Variants in CNTNAP2 observed in about 807,000 individuals in gnomAD.
The protein encoded by CNTNAP2 is contactin-associated protein-like 2.
In CNTNAP2, 98 loss-of-function variants were observed where a neutral mutation model predicts 155.2. The observed-to-expected ratio is 0.63, with a 90% confidence interval of 0.54 to 0.75. CNTNAP2 has a LOEUF of 0.75. Among genes scored for constraint, CNTNAP2 ranks in the 30% least tolerant of loss-of-function variants. The probability of loss-of-function intolerance (pLI) is 0.00; values close to 1 mark genes in which losing one functional copy is unlikely to be tolerated. For synonymous variants in CNTNAP2, 651 were observed against 631.2 expected (o/e 1.03, Z -0.47); for missense variants, 1,727 against 1,688.1 (o/e 1.02, Z -0.40).
chr7:146,271,425 T>C (rs903461858), intron 1 of CNTNAP2, among the ~76,000 whole-genome samples: 24 of 152,022 alleles, frequency 1.6e-4, no homozygotes, highest in Admixed American at 8.5e-4. Flanking sequence ...TTCTGTAATA[T>C]TTTAATTCTT....
At chr7:147,452,247 T>C (rs901306473) in intron 10 of CNTNAP2, among the ~76,000 whole-genome samples, 2 of 152,220 alleles carry the variant, frequency 1.3e-5, no homozygotes, top group African/African-American at 4.8e-5. Flanking sequence ...TCAAACTTCC[T>C]CTGTCCAAGT....
intron 1 of CNTNAP2, among the ~76,000 whole-genome samples, chr7:146,717,367 G>T (rs56928892): frequency 0.011 from 1,419 of 134,748 alleles, 31 homozygotes; most frequent in African/African-American, 0.04. Flanking sequence ...AAAAAAAAAA[G>T]CCATGTGTGG....
chr7:147,152,200 T>G (rs1165480107), intron 8 of CNTNAP2, among the ~76,000 whole-genome samples: 1 of 152,054 alleles, frequency 6.6e-6, no homozygotes. Flanking sequence ...CTAGTCGTAT[T>G]CAAAAATGTT....
chr7:146,794,340 A>G (rs1022899149), intron 2 of CNTNAP2, among the ~76,000 whole-genome samples: 1 of 152,206 alleles, frequency 6.6e-6, no homozygotes, highest in African/African-American at 2.4e-5. Flanking sequence ...TATATGCATA[A>G]TTTCTATTAT....
At chr7:146,140,124 C>G (rs1389570068) in intron 1 of CNTNAP2, among the ~76,000 whole-genome samples, 1 of 152,056 alleles carries the variant, frequency 6.6e-6, no homozygotes, top group Non-Finnish European at 1.5e-5. Context: ...GACTATGACT[C>G]AATGGATTTT....
At chr7:148,280,863 G>A (rs1311393517) in intron 21 of CNTNAP2, among the ~76,000 whole-genome samples, 1 of 151,648 alleles carries the variant, frequency 6.6e-6, no homozygotes, top group African/African-American at 2.4e-5. Flanking sequence ...AAGTTGCAGT[G>A]AGCAGAGATC....
At chr7:146,630,463 T>A (rs1194907862) in intron 1 of CNTNAP2, among the ~76,000 whole-genome samples, 1 of 152,120 alleles carries the variant, frequency 6.6e-6, no homozygotes, top group East Asian at 1.9e-4. Flanking sequence ...TGTGTCTTTA[T>A]AGTAGAATGA....
intron 1 of CNTNAP2, among the ~76,000 whole-genome samples, chr7:146,723,917 C>G (rs558946623): frequency 2.6e-5 from 4 of 152,252 alleles, no homozygotes; most frequent in Middle Eastern, 3.4e-3. Context: ...GAGGTCCCCG[C>G]TGAATTTAAT....
At chr7:146,636,221 C>T (rs909383963) in intron 1 of CNTNAP2, among the ~76,000 whole-genome samples, 1 of 151,974 alleles carries the variant, frequency 6.6e-6, no homozygotes, top group Non-Finnish European at 1.5e-5. Context: ...TGGGATTGTG[C>T]TTTATCTTGA....
intron 1 of CNTNAP2, among the ~76,000 whole-genome samples, chr7:146,720,855 C>T (rs1801274766): frequency 7.2e-6 from 1 of 139,716 alleles, no homozygotes; most frequent in East Asian, 2.4e-4. Context: ...GAGCTAGAAC[C>T]TATGTAAACA....
intron 10 of CNTNAP2, among the ~76,000 whole-genome samples, chr7:147,418,563 C>T (rs1265613515): frequency 2.0e-5 from 3 of 152,046 alleles, no homozygotes; most frequent in Non-Finnish European, 2.9e-5. Context: ...AATGTGTTTC[C>T]CCAGAGTAAT....
chr7:147,819,901 T>C (rs1391276640), intron 13 of CNTNAP2, among the ~76,000 whole-genome samples: 2 of 152,214 alleles, frequency 1.3e-5, no homozygotes, highest in South Asian at 2.1e-4. Flanking sequence ...TTTATTCACC[T>C]GTTTTTCAGT....
At chr7:146,254,212 C>T (rs920557695) in intron 1 of CNTNAP2, among the ~76,000 whole-genome samples, 1 of 151,916 alleles carries the variant, frequency 6.6e-6, no homozygotes, top group Non-Finnish European at 1.5e-5. Context: ...ATTCTGATAG[C>T]AGAATTGAAA....
At chr7:146,211,283 T>C (rs1799030977) in intron 1 of CNTNAP2, among the ~76,000 whole-genome samples, 1 of 152,216 alleles carries the variant, frequency 6.6e-6, no homozygotes, top group African/African-American at 2.4e-5. Context: ...AGGATGATGA[T>C]AATTTTCCTC....
chr7:146,880,269 G>C (rs1011321628), intron 3 of CNTNAP2, among the ~76,000 whole-genome samples: 1 of 151,978 alleles, frequency 6.6e-6, no homozygotes, highest in Non-Finnish European at 1.5e-5. Flanking sequence ...TGGAGCCTTC[G>C]TGATGGGATT....
chr7:146,150,285 C>T (rs1798018018), intron 1 of CNTNAP2, among the ~76,000 whole-genome samples: 1 of 152,070 alleles, frequency 6.6e-6, no homozygotes, highest in Admixed American at 6.6e-5. Context: ...AGTAACTAAA[C>T]TCACATACTC....
intron 3 of CNTNAP2, among the ~76,000 whole-genome samples, chr7:146,851,503 A>G (rs1365280028): frequency 6.6e-6 from 1 of 152,070 alleles, no homozygotes; most frequent in Non-Finnish European, 1.5e-5. Flanking sequence ...ACTCTCTCAC[A>G]GTTCTGGAGG....
intron 1 of CNTNAP2, among the ~76,000 whole-genome samples, chr7:146,748,467 G>C (rs1801850481): frequency 6.6e-6 from 1 of 151,980 alleles, no homozygotes; most frequent in South Asian, 2.1e-4. Flanking sequence ...GGTTTTTAAG[G>C]ATCTTTGCTG....
chr7:146,299,555 GTTATTTTATT>G (rs577956832), intron 1 of CNTNAP2, among the ~76,000 whole-genome samples: 35 of 151,930 alleles, frequency 2.3e-4, no homozygotes, highest in African/African-American at 7.3e-4. Flanking sequence ...TAATTTTTTA[GTTATTTTATT>G]TTATTTTATT....
Sources: allele counts gnomAD v4.1 joint callset (sites outside exome capture counted in the v4.1 genomes callset), GRCh38; gene constraint gnomAD v4.1.1; transcripts MANE v1.5; gene names NCBI Gene and HGNC (gene_info 2026-07-23, HGNC 2026-07-21).